Variants in ELMO1 observed in about 807,000 individuals in gnomAD.
The protein encoded by ELMO1 is engulfment and cell motility protein 1.
Under a neutral mutation model 98.9 loss-of-function variants are expected in ELMO1, and 26 were observed. The ratio of observed to expected loss-of-function variants is 0.26; its 90% CI spans 0.19 to 0.36. The LOEUF (loss-of-function observed/expected upper bound fraction) is 0.36. Among genes scored for constraint, ELMO1 ranks in the 10% least tolerant of loss-of-function variants. ELMO1 has a pLI of 1.00. For synonymous variants in ELMO1, 346 were observed against 346.0 expected, an observed-to-expected ratio of 1.00 and a Z score of 0.00; for missense variants, 627 against 935.2, an observed-to-expected ratio of 0.67 and a Z score of 4.30.
intron 15 of ELMO1, among the ~76,000 whole-genome samples, chr7:37,063,802 T>C (rs1168542636): frequency 6.6e-6 from 1 of 152,112 alleles, no homozygotes; most frequent in East Asian, 1.9e-4. Flanking sequence ...ACTCAAGTTT[T>C]TGAAGACTGC....
intron 16 of ELMO1, among the ~76,000 whole-genome samples, chr7:36,922,053 TG>T (rs1306368635): frequency 1.3e-5 from 2 of 152,180 alleles, no homozygotes; most frequent in Non-Finnish European, 2.9e-5. Flanking sequence ...GAGGCAAATT[TG>T]GGGGAAACAA....
chr7:37,355,397 C>G (rs1227118424), intron 1 of ELMO1, among the ~76,000 whole-genome samples: 1 of 152,204 alleles, frequency 6.6e-6, no homozygotes, highest in Admixed American at 6.5e-5. Context: ...CATCTGTAGT[C>G]CAGTCTCATG....
At chr7:36,997,476 C>T (rs1792306328) in intron 16 of ELMO1, among the ~76,000 whole-genome samples, 1 of 152,018 alleles carries the variant, frequency 6.6e-6, no homozygotes, top group South Asian at 2.1e-4. Flanking sequence ...ATCAGTAGGA[C>T]TTGGGGACCT....
chr7:36,973,639 T>C (rs961043503), intron 16 of ELMO1, among the ~76,000 whole-genome samples: 4 of 152,198 alleles, frequency 2.6e-5, no homozygotes, highest in African/African-American at 9.6e-5. Flanking sequence ...GCTCCCACTT[T>C]GGCGGCACTT....
chr7:36,947,832 T>A (rs1030861923), intron 16 of ELMO1, among the ~76,000 whole-genome samples: 1 of 152,138 alleles, frequency 6.6e-6, no homozygotes, highest in Non-Finnish European at 1.5e-5. Flanking sequence ...GCCTGGAATG[T>A]CCCATCACCT....
chr7:37,103,790 A>G (rs1480399723), intron 14 of ELMO1, among the ~76,000 whole-genome samples: 1 of 151,660 alleles, frequency 6.6e-6, no homozygotes, highest in Non-Finnish European at 1.5e-5. Context: ...AGGTCAGGAG[A>G]TCAAAACCAT....
chr7:37,303,552 G>C (rs2131034985), intron 4 of ELMO1, among the ~76,000 whole-genome samples: 1 of 152,268 alleles, frequency 6.6e-6, no homozygotes, highest in Non-Finnish European at 1.5e-5. Context: ...AAGAATCACA[G>C]AGCCATTCTT....
At chr7:36,940,011 A>G (rs956199562) in intron 16 of ELMO1, among the ~76,000 whole-genome samples, 27 of 152,324 alleles carry the variant, frequency 1.8e-4, no homozygotes, top group Admixed American at 1.6e-3. Flanking sequence ...CACAGGTGGC[A>G]ATTGACAGGA....
At chr7:37,168,966 G>A (rs1157908574) in intron 13 of ELMO1, among the ~76,000 whole-genome samples, 2 of 152,210 alleles carry the variant, frequency 1.3e-5, no homozygotes, top group Admixed American at 1.3e-4. Context: ...AGGCAGGCAG[G>A]CCTCCTGGAG....
chr7:36,983,390 T>C (rs1012290311), intron 16 of ELMO1, among the ~76,000 whole-genome samples: 2 of 152,222 alleles, frequency 1.3e-5, no homozygotes, highest in Non-Finnish European at 2.9e-5. Flanking sequence ...ATTGTGGTGA[T>C]TGTTTAATTC....
chr7:37,064,388 G>T (rs1046329341), intron 15 of ELMO1, among the ~76,000 whole-genome samples: 13 of 152,154 alleles, frequency 8.5e-5, no homozygotes, highest in African/African-American at 2.9e-4. Flanking sequence ...AGTAGAAACT[G>T]CAGGGACTAT....
chr7:37,147,976 C>G (rs762933759), intron 13 of ELMO1, among the ~76,000 whole-genome samples: 1 of 152,150 alleles, frequency 6.6e-6, no homozygotes, highest in Non-Finnish European at 1.5e-5. Flanking sequence ...AGGGTATTGA[C>G]AGTATTCTGT....
intron 16 of ELMO1, among the ~76,000 whole-genome samples, chr7:36,956,471 A>C (rs994242316): frequency 6.6e-6 from 1 of 152,180 alleles, no homozygotes; most frequent in Non-Finnish European, 1.5e-5. Context: ...GTAATTTCAG[A>C]CCCAAATGCC....
chr7:36,908,337 G>GA (rs1318455366), intron 16 of ELMO1, among the ~76,000 whole-genome samples: 3 of 151,832 alleles, frequency 2.0e-5, no homozygotes, highest in Non-Finnish European at 4.4e-5. Context: ...TTTGTAACTA[G>GA]AAAAAAAATC....
chr7:36,903,619 T>A (rs1334393005), intron 16 of ELMO1, among the ~76,000 whole-genome samples: 1 of 152,186 alleles, frequency 6.6e-6, no homozygotes, highest in Non-Finnish European at 1.5e-5. Context: ...GTTCTGGACA[T>A]GGGTCATGTT....
intron 4 of ELMO1, among the ~76,000 whole-genome samples, chr7:37,281,285 A>G (rs1400561918): frequency 6.6e-6 from 1 of 152,084 alleles, no homozygotes; most frequent in Non-Finnish European, 1.5e-5. Context: ...TGCAGTGTAT[A>G]CTGCTTGGGT....
chr7:37,438,688 A>G (rs1805266574), intron 1 of ELMO1, among the ~76,000 whole-genome samples: 1 of 152,152 alleles, frequency 6.6e-6, no homozygotes, highest in Admixed American at 6.5e-5. Context: ...CTACTTTACA[A>G]TCATGATTGC....
intron 1 of ELMO1, chr7:37,429,516 T>C (rs1804844254): frequency 6.6e-6 from 1 of 152,268 alleles, no homozygotes; most frequent in Non-Finnish European, 1.5e-5. Flanking sequence ...CTCTCCCATC[T>C]GGTCAGCTCT....
chr7:37,210,564 T>C (rs1346293724), intron 13 of ELMO1, among the ~76,000 whole-genome samples: 3 of 151,128 alleles, frequency 2.0e-5, no homozygotes. Context: ...TGTATATATA[T>C]AAAATATATA....
Sources: gnomAD v4.1 joint callset for allele counts (sites outside exome capture counted in the v4.1 genomes callset) on GRCh38, gnomAD v4.1.1 for gene constraint, MANE v1.5 for transcripts, NCBI Gene and HGNC (gene_info 2026-07-23, HGNC 2026-07-21) for gene names.